BRINP3: variants seen among roughly 807,000 people sequenced by gnomAD.
The protein encoded by BRINP3 is BMP/retinoic acid-inducible neural-specific protein 3.
Under a neutral mutation model 71.0 loss-of-function variants are expected in BRINP3, and 19 were observed. The ratio of observed to expected loss-of-function variants is 0.27; its 90% confidence interval spans 0.19 to 0.39. BRINP3 has a LOEUF of 0.39. BRINP3 is among the 10% of genes least tolerant of loss of function. The pLI is 1.00. For missense variants in BRINP3, 959 were observed against 940.8 expected, an observed-to-expected ratio of 1.02 and a Z score of -0.25; for synonymous variants, 380 against 337.7, an observed-to-expected ratio of 1.13 and a Z score of -1.37.
intron 2 of BRINP3, among the ~76,000 whole-genome samples, chr1:190,303,937 T>A (rs1286969341): frequency 6.6e-6 from 1 of 151,624 alleles, no homozygotes; most frequent in African/African-American, 2.4e-5. Flanking sequence ...ATAAATAATT[T>A]ATTTTTTCCA....
At chr1:190,344,210 C>A (rs1293951040) in intron 2 of BRINP3, among the ~76,000 whole-genome samples, 4 of 151,620 alleles carry the variant, frequency 2.6e-5, no homozygotes, top group African/African-American at 7.3e-5. Context: ...TTTTTTGAGA[C>A]CTTTATATGC....
intron 6 of BRINP3, among the ~76,000 whole-genome samples, chr1:190,223,693 A>C (rs1657082963): frequency 6.6e-6 from 1 of 151,948 alleles, no homozygotes. Flanking sequence ...AGGGAAAAGA[A>C]CTAAATAAAA....
chr1:190,141,555 C>CTTTTTTTTTT (rs35090212), intron 7 of BRINP3, among the ~76,000 whole-genome samples: 8 of 82,378 alleles, frequency 9.7e-5, no homozygotes, highest in East Asian at 4.2e-4. Context: ...TCTTTCTTTC[C>CTTTTTTTTTT]TTTTTTTTTT....
chr1:190,337,599 T>G (rs1184482013), intron 2 of BRINP3, among the ~76,000 whole-genome samples: 3 of 151,802 alleles, frequency 2.0e-5, no homozygotes, highest in African/African-American at 7.3e-5. Flanking sequence ...GCTTTTGGAC[T>G]CTTAAACCTA....
chr1:190,400,946 G>A (rs928715849), intron 2 of BRINP3, among the ~76,000 whole-genome samples: 1 of 152,298 alleles, frequency 6.6e-6, no homozygotes, highest in African/African-American at 2.4e-5. Flanking sequence ...CACCTCATAT[G>A]TCAGCTATAG....
intron 6 of BRINP3, among the ~76,000 whole-genome samples, chr1:190,162,744 T>C (rs183795465): frequency 1.3e-5 from 2 of 152,270 alleles, no homozygotes; most frequent in Admixed American, 1.3e-4. Context: ...ATAAGGAGTA[T>C]CTTTAAATAC....
intron 7 of BRINP3, among the ~76,000 whole-genome samples, chr1:190,114,447 T>G (rs1283122838): frequency 2.0e-5 from 3 of 151,850 alleles, no homozygotes; most frequent in African/African-American, 7.3e-5. Context: ...AGTCTGTTAG[T>G]CAGACTTTAT....
At chr1:190,275,603 G>A (rs1318373263) in intron 3 of BRINP3, among the ~76,000 whole-genome samples, 1 of 151,406 alleles carries the variant, frequency 6.6e-6, no homozygotes, top group East Asian at 1.9e-4. Context: ...AAGATCTTGG[G>A]TGTTTTGCAC....
chr1:190,262,683 C>T (rs1354588338), intron 4 of BRINP3, among the ~76,000 whole-genome samples: 2 of 152,146 alleles, frequency 1.3e-5, no homozygotes, highest in African/African-American at 4.8e-5. Context: ...CAAGGTGAGA[C>T]TGTTGACTCC....
intron 4 of BRINP3, among the ~76,000 whole-genome samples, chr1:190,260,240 A>G (rs183044295): frequency 5.1e-4 from 78 of 152,188 alleles, no homozygotes; most frequent in South Asian, 2.1e-4. Context: ...CATGAAGATT[A>G]TAGTTAAAAA....
intron 1 of BRINP3, among the ~76,000 whole-genome samples, chr1:190,473,051 T>G (rs1677248259): frequency 6.6e-6 from 1 of 151,942 alleles, no homozygotes; most frequent in African/African-American, 2.4e-5. Flanking sequence ...CGTTATATGG[T>G]ATCATGTCTA....
At chr1:190,239,781 C>T (rs1002956006) in intron 4 of BRINP3, among the ~76,000 whole-genome samples, 5 of 151,942 alleles carry the variant, frequency 3.3e-5, no homozygotes, top group Non-Finnish European at 5.9e-5. Context: ...TATCAATCAT[C>T]CATGCATATG....
chr1:190,443,546 C>A (rs1006593824), intron 2 of BRINP3, among the ~76,000 whole-genome samples: 5 of 152,168 alleles, frequency 3.3e-5, no homozygotes, highest in Non-Finnish European at 1.5e-5. Context: ...GACACTCTGG[C>A]AAACTGGGGT....
At chr1:190,174,288 C>T (rs1467955411) in intron 6 of BRINP3, among the ~76,000 whole-genome samples, 2 of 151,992 alleles carry the variant, frequency 1.3e-5, no homozygotes, top group Admixed American at 1.3e-4. Context: ...CCTACTCTGC[C>T]TCGTCATTAA....
chr1:190,397,913 C>A (rs576384211), intron 2 of BRINP3, among the ~76,000 whole-genome samples: 1 of 151,412 alleles, frequency 6.6e-6, no homozygotes, highest in Admixed American at 6.6e-5. Flanking sequence ...AATCTTTTTC[C>A]CAGAAAATAT....
rs764202237 is a variant in BRINP3, at chr1:190,251,066, C to CAAT, written c.618+13798_618+13799insATT. On this transcript the variant is annotated intron_variant, in intron 4 of 7. Transcript: ENST00000367462. ...ACCCCATCTCTATAAATAATAATAA[C>CAAT]AACAACAATAATAATAATAAAATTT... Among the ~76,000 whole-genome samples, 977 of 151,122 alleles carry CAAT rather than the reference C, an allele frequency of 6.5e-3. 7 individuals are homozygous for CAAT. Among genetic ancestry groups the CAAT allele is most frequent in the Non-Finnish European group, 0.011 (739 of 67,656 alleles).
chr1:190,233,853 T>G (rs912698341), intron 5 of BRINP3, among the ~76,000 whole-genome samples: 3 of 152,194 alleles, frequency 2.0e-5, no homozygotes, highest in Admixed American at 1.3e-4. Flanking sequence ...TAGCAAATTA[T>G]TTTTATAAAA....
chr1:190,333,773 A>T (rs536114768), intron 2 of BRINP3, among the ~76,000 whole-genome samples: 1 of 151,910 alleles, frequency 6.6e-6, no homozygotes, highest in Non-Finnish European at 1.5e-5. Flanking sequence ...AAGGAGTTCA[A>T]TTTCTTGTAA....
At chr1:190,419,473 C>A (rs1222314002) in intron 2 of BRINP3, among the ~76,000 whole-genome samples, 1 of 151,710 alleles carries the variant, frequency 6.6e-6, no homozygotes, top group African/African-American at 2.4e-5. Context: ...ACCTAATATA[C>A]CTAAACTTGG....
Sources: gnomAD v4.1 joint callset for allele counts (sites outside exome capture counted in the v4.1 genomes callset) on GRCh38, gnomAD v4.1.1 for gene constraint, MANE v1.5 for transcripts, NCBI Gene and HGNC (gene_info 2026-07-23, HGNC 2026-07-21) for gene names.